Variants in CUL5 observed in about 807,000 individuals in gnomAD.
CUL5 encodes cullin-5.
A neutral mutation model predicts 108.8 loss-of-function variants in CUL5; 26 were observed. The ratio of observed to expected loss-of-function variants is 0.24; its 90% CI spans 0.18 to 0.33. CUL5 has a LOEUF of 0.33. Among genes scored for constraint, CUL5 ranks in the 10% least tolerant of loss-of-function variants. CUL5 has a pLI of 1.00. For synonymous variants in CUL5, 334 were observed against 298.0 expected (o/e 1.12, Z -1.25); for missense variants, 524 against 909.2 (o/e 0.58, Z 5.45).
rs377372641 is a variant in CUL5 at position 108,070,144 on chromosome 11, A to C, written c.829A>C (p.Ile277Leu). Residue 277 changes from isoleucine (I) to leucine (L), a missense_variant, in exon 8 of 19, where the codon ATC (isoleucine) becomes CTC (leucine). Coordinates refer to ENST00000393094, the MANE Select transcript of CUL5 (RefSeq NM_003478.6). ...CCTGGTGACATCATTTAAAGAGACT[A>C]TCTTAGCTGAGTGCCAAGGCATGAT... is the stretch of plus-strand genomic sequence containing the variant. Reference protein sequence around the residue: ...NALVTSFKETILAECQGMIKR... With the variant: ...NALVTSFKETLLAECQGMIKR... 6.2e-7 allele frequency: 1 copy of C among 1,612,384 alleles called. No homozygotes were observed. Among genetic ancestry groups the C allele is most frequent in the East Asian group, 2.2e-5 (1 of 44,756 alleles).
chr11:108,098,207 A>G (rs1864547041), intron 17 of CUL5, among the ~76,000 whole-genome samples, 199 bp from the exon 18 acceptor site: 1 of 152,206 alleles, frequency 6.6e-6, no homozygotes, highest in South Asian at 2.1e-4. Context: ...CACTTGTTTT[A>G]TTAACAGGTT....
intron 13 of CUL5, among the ~76,000 whole-genome samples, chr11:108,090,445 C>G (rs996784373): frequency 9.2e-5 from 14 of 151,980 alleles, no homozygotes; most frequent in African/African-American, 3.4e-4. Context: ...GAGCTGAAAT[C>G]GAGCCACTGA....
intron 1 of CUL5, among the ~76,000 whole-genome samples, chr11:108,026,612 A>C (rs748863807): frequency 1.3e-5 from 2 of 152,120 alleles, no homozygotes; most frequent in African/African-American, 4.8e-5. Context: ...ATTCACTAGC[A>C]GTTTCTCTCC....
At chr11:108,096,564 CTTTTTTT>C (rs71047671) in intron 16 of CUL5, among the ~76,000 whole-genome samples, 1 of 45,864 alleles carries the variant, frequency 2.2e-5, no homozygotes, top group South Asian at 1.5e-3. Flanking sequence ...CAGCTATGTA[CTTTTTTT>C]TTTTTTTTTT....
intron 2 of CUL5, among the ~76,000 whole-genome samples, chr11:108,038,212 G>T (rs1862794484): frequency 6.7e-6 from 1 of 149,678 alleles, no homozygotes; most frequent in African/African-American, 2.4e-5. Context: ...GTGGTGGGGT[G>T]TTTTGTTGTT....
At chr11:108,077,914 A>C (rs902816445) in intron 10 of CUL5, among the ~76,000 whole-genome samples, 2 of 152,146 alleles carry the variant, frequency 1.3e-5, no homozygotes, top group African/African-American at 4.8e-5. Flanking sequence ...ATGCCACTGC[A>C]CTCCAGCCTG....
At chr11:108,010,087 G>T (rs1862025829) in intron 1 of CUL5, among the ~76,000 whole-genome samples, 1 of 152,260 alleles carries the variant, frequency 6.6e-6, no homozygotes, top group Non-Finnish European at 1.5e-5. Flanking sequence ...GGAGATCTAG[G>T]CCCACAGGGG....
intron 8 of CUL5, among the ~76,000 whole-genome samples, chr11:108,070,602 T>C (rs1863797950): frequency 7.5e-6 from 1 of 133,266 alleles, no homozygotes; most frequent in South Asian, 2.7e-4. Flanking sequence ...TCCCCCAAAA[T>C]ACTTTATAAG....
rs1335221821 is a variant in CUL5 at position 108,106,946 on chromosome 11, T to G, written c.*2562T>G. The G allele has an allele frequency of 6.7e-6, 1 of 150,326 alleles. No homozygotes were observed. The highest frequency in any genetic ancestry group is 2.5e-5 in the African/African-American group (1 of 40,718). 9.3% of individuals were successfully genotyped at this position (150,326 alleles called of 1,614,324 possible). A position where few individuals can be genotyped will look rare whatever the true frequency, so the allele number is the denominator to read the frequency against. On this transcript the variant is annotated 3_prime_UTR_variant, in exon 19 of 19. Coordinates refer to ENST00000393094, the MANE Select transcript of CUL5 (RefSeq NM_003478.6). Reference sequence around the variant, plus strand: ...ATCTTCTAGTTTAAAGACAGAGACATCCCATCTGGAAAATGTTAACTTGTG... The same window carrying G: ...ATCTTCTAGTTTAAAGACAGAGACAGCCCATCTGGAAAATGTTAACTTGTG...
chr11:108,040,551 G>T (rs1260032881), intron 2 of CUL5, among the ~76,000 whole-genome samples: 4 of 149,560 alleles, frequency 2.7e-5, no homozygotes, highest in African/African-American at 1.0e-4. Flanking sequence ...AGCAGAGGTT[G>T]CAGTGAGCCA....
At chr11:108,098,573 G>T (rs1555025268) in intron 18 of CUL5, 44 bp downstream of exon 18, 354 of 1,062,672 alleles carry the variant, frequency 3.3e-4, no homozygotes, top group South Asian at 7.2e-4. Context: ...AAAAACTTTA[G>T]TTTTTTTTTT....
chr11:108,075,728 A>C (rs79288715), intron 10 of CUL5, among the ~76,000 whole-genome samples: 12,615 of 152,182 alleles, frequency 0.083, 674 homozygotes, highest in Non-Finnish European at 0.12. Context: ...CTATAGAGAC[A>C]ACATCTAGCT....
At chr11:108,057,917 A>C (rs1325888498) in intron 7 of CUL5, among the ~76,000 whole-genome samples, 1 of 152,202 alleles carries the variant, frequency 6.6e-6, no homozygotes, top group Non-Finnish European at 1.5e-5. Flanking sequence ...AGTTGAAAAA[A>C]TAAAGAATAT....
At position 108,104,279 on chromosome 11, in the gene CUL5, C is replaced by T. The variant is rs1216128363; in HGVS notation, c.2238C>T (p.Phe746=). The change falls in exon 19 of 19, where the codon TTC becomes TTT. Residue 746 remains phenylalanine, a synonymous_variant. Coordinates refer to ENST00000393094, the MANE Select transcript of CUL5 (RefSeq NM_003478.6). Reference sequence around the variant, plus strand: ...TAGTAGAAATTTTGAAAAACATGTTCTTGCCACAAAAGAAAATGATAAAAG... The same window carrying T: ...TAGTAGAAATTTTGAAAAACATGTTTTTGCCACAAAAGAAAATGATAAAAG... The part of the protein sequence containing the change: ...TELVEILKNM[F]LPQKKMIKEQ... 2.8e-5 allele frequency: 45 copies of T among 1,610,302 alleles called. No homozygotes were observed. The highest frequency in any genetic ancestry group is 3.7e-5 in the Non-Finnish European group (44 of 1,178,720).
At chr11:108,099,539 G>A (rs1292025374) in intron 18 of CUL5, among the ~76,000 whole-genome samples, 5 of 152,152 alleles carry the variant, frequency 3.3e-5, no homozygotes, top group Non-Finnish European at 7.3e-5. Flanking sequence ...GATTCAGAAG[G>A]AGAGTTGAAT....
intron 8 of CUL5, among the ~76,000 whole-genome samples, 181 bp downstream of exon 8, chr11:108,070,370 TA>T (rs754399411): frequency 6.6e-6 from 1 of 152,294 alleles, no homozygotes; most frequent in Non-Finnish European, 1.5e-5. Flanking sequence ...TAAGAGTATA[TA>T]AACTTAAATT....
chr11:108,075,278 C>G (rs1448355183), intron 10 of CUL5, among the ~76,000 whole-genome samples: 3 of 151,618 alleles, frequency 2.0e-5, no homozygotes, highest in Non-Finnish European at 4.4e-5. Flanking sequence ...CTACAGTGAG[C>G]TACTTGAACT....
intron 2 of CUL5, among the ~76,000 whole-genome samples, chr11:108,043,101 A>G: frequency 6.6e-6 from 1 of 151,692 alleles, no homozygotes; most frequent in East Asian, 1.9e-4. Context: ...GAGGCAGGGC[A>G]TTACTCTGTC....
At chr11:108,104,163 C>T (rs775160152) in intron 18 of CUL5, 27 bp from the exon 19 acceptor site, 20 of 1,434,218 alleles carry the variant, frequency 1.4e-5, no homozygotes, top group African/African-American at 4.4e-5. Context: ...TATATTAATG[C>T]GCTTTTATTT....
Sources: gnomAD v4.1 joint callset for allele counts (sites outside exome capture counted in the v4.1 genomes callset) on GRCh38, gnomAD v4.1.1 for gene constraint, MANE v1.5 for transcripts, NCBI Gene and HGNC (gene_info 2026-07-23, HGNC 2026-07-21) for gene names.